Variants in ANO2 observed in about 807,000 individuals in gnomAD.
ANO2 encodes anoctamin-2.
In ANO2, 101 loss-of-function variants were observed where a neutral mutation model predicts 124.2. The observed-to-expected ratio is 0.81, with a 90% CI of 0.69 to 0.96. The LOEUF (loss-of-function observed/expected upper bound fraction) is 0.96. Among genes scored for constraint, ANO2 ranks in the 40% least tolerant of loss-of-function variants. ANO2 has a pLI of 0.00. For missense variants in ANO2, 1,293 were observed against 1,274.5 expected, an observed-to-expected ratio of 1.01 and a Z score of -0.22; for synonymous variants, 486 against 482.5, an observed-to-expected ratio of 1.01 and a Z score of -0.09.
intron 10 of ANO2, among the ~76,000 whole-genome samples, chr12:5,794,610 T>C (rs1324378604): frequency 1.1e-4 from 17 of 152,224 alleles, no homozygotes; most frequent in Admixed American, 1.1e-3. Flanking sequence ...GCAATTACTC[T>C]TCAAATGTGA....
At chr12:5,571,145 AC>A (rs1466139528) in intron 23 of ANO2, among the ~76,000 whole-genome samples, 5 of 152,198 alleles carry the variant, frequency 3.3e-5, no homozygotes, top group Admixed American at 3.3e-4. Flanking sequence ...CTCCAAGCAG[AC>A]CCGCTGGGTT....
intron 16 of ANO2, among the ~76,000 whole-genome samples, chr12:5,631,799 T>C (rs1416735221): frequency 1.3e-5 from 2 of 151,628 alleles, no homozygotes; most frequent in Non-Finnish European, 2.9e-5. Context: ...TCAGTTGGGG[T>C]GGAGGAGCAC....
intron 4 of ANO2, among the ~76,000 whole-genome samples, chr12:5,834,415 A>T (rs1472937828): frequency 6.6e-6 from 1 of 152,222 alleles, no homozygotes; most frequent in African/African-American, 2.4e-5. Context: ...AGATAGGATG[A>T]GAAAATGCCA....
At chr12:5,720,208 A>C (rs1950170655) in intron 14 of ANO2, among the ~76,000 whole-genome samples, 1 of 152,190 alleles carries the variant, frequency 6.6e-6, no homozygotes, top group South Asian at 2.1e-4. Context: ...TCAGAAGCGC[A>C]TAGTCTCAAA....
chr12:5,866,315 A>T (rs1289918390), intron 3 of ANO2, among the ~76,000 whole-genome samples: 1 of 152,220 alleles, frequency 6.6e-6, no homozygotes, highest in Non-Finnish European at 1.5e-5. Context: ...TGGACCCTGC[A>T]GATGGTTGAG....
intron 4 of ANO2, among the ~76,000 whole-genome samples, chr12:5,833,014 C>T (rs774204197): frequency 3.3e-5 from 5 of 152,142 alleles, no homozygotes; most frequent in East Asian, 1.9e-4. Context: ...AGAGGTGAGG[C>T]GAATTAACAA....
chr12:5,827,655 G>T, intron 7 of ANO2, 114 bp downstream of exon 7: 3 of 1,250,076 alleles, frequency 2.4e-6, no homozygotes, highest in African/African-American at 1.5e-5. Context: ...GCCTCTCCGT[G>T]GGGGGCATTT....
In ANO2 at chr12:5,696,285, G is replaced by A. The variant is rs941829186; in HGVS notation, c.1545+36235C>T. Among the ~76,000 whole-genome samples the A allele has an allele frequency of 1.6e-4, 24 of 152,100 alleles. No individual in the cohort carries two copies. The South Asian group carries it at 2.1e-3, about 13-fold the overall frequency. ...ATTGATCAGACCTTTAAAAAGAAAC[G>A]CAAACAACATTTAAAATCACAAAGG... On this transcript the variant is annotated intron_variant, in intron 14 of 24. Coordinates refer to ENST00000682330, the MANE Select transcript of ANO2 (RefSeq NM_001364791.2).
intron 23 of ANO2, among the ~76,000 whole-genome samples, chr12:5,569,022 T>C (rs2136825393): frequency 6.6e-6 from 1 of 152,392 alleles, no homozygotes; most frequent in East Asian, 1.9e-4. Context: ...GAATACACCT[T>C]TTCTGTTAAA....
chr12:5,836,754 A>G (rs550802228), intron 4 of ANO2: 43 of 154,468 alleles, frequency 2.8e-4, no homozygotes, highest in African/African-American at 1.0e-3. Context: ...CTCTGTTCAC[A>G]CTGAGGTCTC....
chr12:5,690,685 G>A (rs140987553), intron 14 of ANO2, among the ~76,000 whole-genome samples: 15 of 152,284 alleles, frequency 9.9e-5, no homozygotes, highest in Admixed American at 4.6e-4. Flanking sequence ...TAGGCTGGGA[G>A]TGGAGGGTGG....
intron 14 of ANO2, among the ~76,000 whole-genome samples, chr12:5,681,779 CT>C (rs1948502211): frequency 6.6e-6 from 1 of 152,104 alleles, no homozygotes; most frequent in Non-Finnish European, 1.5e-5. Context: ...AGCTATTAAG[CT>C]CTTACATCTT....
intron 3 of ANO2, among the ~76,000 whole-genome samples, chr12:5,897,696 G>A (rs1939889931): frequency 1.4e-5 from 2 of 147,618 alleles, no homozygotes; most frequent in African/African-American, 5.0e-5. Context: ...TCAAAGTGGG[G>A]AAAAATTAAT....
At chr12:5,586,129 C>T (rs777481992) in intron 20 of ANO2, among the ~76,000 whole-genome samples, 3 of 152,164 alleles carry the variant, frequency 2.0e-5, no homozygotes, top group Non-Finnish European at 4.4e-5. Context: ...ACTGACTAGG[C>T]ATCTTCTGTA....
At chr12:5,934,625 A>G (rs1942572161) in intron 1 of ANO2, among the ~76,000 whole-genome samples, 1 of 152,196 alleles carries the variant, frequency 6.6e-6, no homozygotes, top group African/African-American at 2.4e-5. Context: ...ATTAAGGTAT[A>G]AATGCCCCTC....
chr12:5,713,251 C>T (rs1949881602), intron 14 of ANO2, among the ~76,000 whole-genome samples: 1 of 152,196 alleles, frequency 6.6e-6, no homozygotes, highest in African/African-American at 2.4e-5. Flanking sequence ...AGGAAAGGAG[C>T]AATTCAAAAC....
intron 20 of ANO2, among the ~76,000 whole-genome samples, chr12:5,584,679 G>A (rs1399162049): frequency 6.6e-6 from 1 of 152,206 alleles, no homozygotes; most frequent in African/African-American, 2.4e-5. Flanking sequence ...AGCAAGGGAA[G>A]CCAACTATGC....
rs903294218 is a variant in ANO2 at position 5,945,224 on chromosome 12, G to C, written c.-7C>G. On this transcript the variant is annotated 5_prime_UTR_variant, in exon 1 of 25. Coordinates refer to ENST00000682330, the MANE Select transcript of ANO2 (RefSeq NM_001364791.2). ...GCGGCCCGGGAGTCGCCATGATGTG[G>C]ACGCAGACCCCGCCGGCCCGCGGCC... is the stretch of plus-strand genomic sequence containing the variant. The C allele has an allele frequency of 5.4e-6, 7 of 1,287,862 alleles. No individual in the cohort carries two copies. The highest frequency in any genetic ancestry group is 7.1e-6 in the Non-Finnish European group (7 of 987,738). The allele number at this position is 1,287,862 out of a possible 1,614,324, so 79.8% of individuals were successfully genotyped here. A position where few individuals can be genotyped will look rare whatever the true frequency, so the allele number is the denominator to read the frequency against.
intron 1 of ANO2, among the ~76,000 whole-genome samples, chr12:5,927,185 T>G (rs564448589): frequency 1.2e-3 from 182 of 152,336 alleles, no homozygotes; most frequent in Non-Finnish European, 2.3e-3. Flanking sequence ...AAGCACTGGC[T>G]GTCTGTCCCC....
Sources: gnomAD v4.1 joint callset for allele counts (sites outside exome capture counted in the v4.1 genomes callset) on GRCh38, gnomAD v4.1.1 for gene constraint, MANE v1.5 for transcripts, NCBI Gene and HGNC (gene_info 2026-07-23, HGNC 2026-07-21) for gene names.